Variants in SH3RF1 observed in about 807,000 individuals in gnomAD.
SH3RF1 encodes the protein SH3 domain containing ring finger 1.
Under a neutral mutation model 74.0 loss-of-function variants are expected in SH3RF1, and 32 were observed. The ratio of observed to expected loss-of-function variants is 0.43; its 90% CI spans 0.33 to 0.58. The LOEUF (loss-of-function observed/expected upper bound fraction) is 0.58. SH3RF1 is among the 20% of genes least tolerant of loss of function. SH3RF1 has a pLI of 0.05. For missense variants in SH3RF1, 954 were observed against 1,130.9 expected (o/e 0.84, Z 2.24); for synonymous variants, 396 against 439.6 (o/e 0.90, Z 1.24).
chr4:169,208,238 G>A (rs747721685), intron 2 of SH3RF1, among the ~76,000 whole-genome samples: 5 of 149,950 alleles, frequency 3.3e-5, no homozygotes, highest in East Asian at 2.0e-4. Context: ...AGTAATAGCC[G>A]TTTCTGTCCA....
intron 2 of SH3RF1, among the ~76,000 whole-genome samples, chr4:169,199,352 G>T (rs1472838555): frequency 6.6e-6 from 1 of 152,170 alleles, no homozygotes; most frequent in Non-Finnish European, 1.5e-5. Context: ...CTAATGTTTG[G>T]TTGGCAGGTG....
At chr4:169,243,748 T>C (rs1730951160) in intron 2 of SH3RF1, among the ~76,000 whole-genome samples, 1 of 152,248 alleles carries the variant, frequency 6.6e-6, no homozygotes, top group Non-Finnish European at 1.5e-5. Context: ...AGTCTTGCTT[T>C]CATTTACTGT....
At chr4:169,214,171 G>A (rs969746028) in intron 2 of SH3RF1, among the ~76,000 whole-genome samples, 2 of 152,192 alleles carry the variant, frequency 1.3e-5, no homozygotes, top group Non-Finnish European at 2.9e-5. Context: ...GCTTGGTACT[G>A]TCCTTGCAAT....
chr4:169,109,840 T>TAGCAAAACAAAA, intron 10 of SH3RF1, among the ~76,000 whole-genome samples: 1 of 150,238 alleles, frequency 6.7e-6, no homozygotes, highest in Admixed American at 6.6e-5. Context: ...GGAAACCCTG[T>TAGCAAAACAAAA]CTCTACAAAA....
intron 2 of SH3RF1, among the ~76,000 whole-genome samples, chr4:169,205,523 A>G (rs1374742729): frequency 6.6e-6 from 1 of 152,204 alleles, no homozygotes; most frequent in Non-Finnish European, 1.5e-5. Flanking sequence ...ATGTCAACAT[A>G]CTGCCTGCCC....
chr4:169,250,779 G>A (rs1412879313), intron 2 of SH3RF1, among the ~76,000 whole-genome samples: 1 of 152,086 alleles, frequency 6.6e-6, no homozygotes, highest in Non-Finnish European at 1.5e-5. Flanking sequence ...GCAGTGCAAG[G>A]CTAGAAGATT....
chr4:169,220,565 C>T (rs1335689212), intron 2 of SH3RF1, among the ~76,000 whole-genome samples: 1 of 152,234 alleles, frequency 6.6e-6, no homozygotes, highest in Non-Finnish European at 1.5e-5. Context: ...AGAGCAACCC[C>T]TGCCTGGCCT....
intron 1 of SH3RF1, among the ~76,000 whole-genome samples, chr4:169,270,179 G>A (rs756345077): frequency 9.2e-5 from 14 of 152,232 alleles, no homozygotes; most frequent in Non-Finnish European, 2.1e-4. Context: ...ATTTGGCTGG[G>A]AGCATTAACA....
chr4:169,102,896 C>T (rs1268971287), intron 11 of SH3RF1, among the ~76,000 whole-genome samples: 3 of 147,246 alleles, frequency 2.0e-5, no homozygotes, highest in African/African-American at 7.4e-5. Context: ...TTGACAGCAC[C>T]GGCTGCCCCA....
At chr4:169,263,705 T>C (rs533044433) in intron 2 of SH3RF1, among the ~76,000 whole-genome samples, 81 of 152,188 alleles carry the variant, frequency 5.3e-4, no homozygotes, top group Non-Finnish European at 1.1e-3. Context: ...ACCTATCCCT[T>C]GAGTAATGCC....
intron 10 of SH3RF1, among the ~76,000 whole-genome samples, chr4:169,116,059 A>C (rs746482963): frequency 7.9e-5 from 12 of 152,140 alleles, no homozygotes; most frequent in Non-Finnish European, 1.8e-4. Flanking sequence ...AACACAGAGA[A>C]ACATGAGCTC....
At position 169,096,696 on chromosome 4, in the gene SH3RF1, G is replaced by C; in HGVS notation, c.2499-9C>G. 6.2e-7 allele frequency: 1 copy of C among 1,602,276 alleles called. No homozygotes were observed. Among genetic ancestry groups the C allele is most frequent in the East Asian group, 2.2e-5 (1 of 44,814 alleles). ...AAACCACCACCCTGTGCCTAGAAAAGAAAGAGATTTTGGTTAAGGCGATTC... is the reference window on the plus strand; with the variant it reads ...AAACCACCACCCTGTGCCTAGAAAACAAAGAGATTTTGGTTAAGGCGATTC... On this transcript the variant is annotated splice_polypyrimidine_tract_variant and intron_variant, in intron 11 of 11. Coordinates refer to ENST00000284637, the MANE Select transcript of SH3RF1 (RefSeq NM_020870.4).
At chr4:169,186,334 C>T (rs1437402939) in intron 2 of SH3RF1, among the ~76,000 whole-genome samples, 1 of 151,814 alleles carries the variant, frequency 6.6e-6, no homozygotes, top group African/African-American at 2.4e-5. Flanking sequence ...TGCACATGTA[C>T]CCATGAACTT....
At chr4:169,248,814 T>TC (rs1399253166) in intron 2 of SH3RF1, among the ~76,000 whole-genome samples, 1 of 152,206 alleles carries the variant, frequency 6.6e-6, no homozygotes, top group East Asian at 1.9e-4. Flanking sequence ...CTGCTTACTT[T>TC]CAGTGACCTC....
intron 5 of SH3RF1, among the ~76,000 whole-genome samples, chr4:169,136,063 T>C (rs185387064): frequency 6.6e-6 from 1 of 152,354 alleles, no homozygotes; most frequent in East Asian, 1.9e-4. Flanking sequence ...GTAAGTATTA[T>C]ATAACTCATC....
intron 4 of SH3RF1, among the ~76,000 whole-genome samples, chr4:169,142,082 T>C (rs1733796759): frequency 6.6e-6 from 1 of 152,066 alleles, no homozygotes; most frequent in South Asian, 2.1e-4. Flanking sequence ...CCTCCCAAAG[T>C]GCTGGGATTA....
At chr4:169,166,013 G>A (rs374744282) in intron 2 of SH3RF1, among the ~76,000 whole-genome samples, 3 of 152,078 alleles carry the variant, frequency 2.0e-5, no homozygotes, top group South Asian at 4.2e-4. Context: ...AAGTTTTATA[G>A]GGGAAACAAG....
intron 2 of SH3RF1, among the ~76,000 whole-genome samples, chr4:169,228,822 T>C (rs1056916641): frequency 2.6e-5 from 4 of 152,172 alleles, no homozygotes; most frequent in Admixed American, 6.5e-5. Context: ...CCCAAAAGTT[T>C]TTTAGATTTC....
chr4:169,144,849 A>G (rs534303700), intron 4 of SH3RF1, among the ~76,000 whole-genome samples: 1 of 152,246 alleles, frequency 6.6e-6, no homozygotes, highest in South Asian at 2.1e-4. Context: ...GTCAAGCATA[A>G]AAGTCATGGG....
Sources: allele counts gnomAD v4.1 joint callset (sites outside exome capture counted in the v4.1 genomes callset), GRCh38; gene constraint gnomAD v4.1.1; transcripts MANE v1.5; gene names NCBI Gene and HGNC (gene_info 2026-07-23, HGNC 2026-07-21).